Variants in IFT74 observed in about 807,000 individuals in gnomAD.
IFT74 encodes intraflagellar transport protein 74 homolog.
Under a neutral mutation model 96.7 loss-of-function variants are expected in IFT74, and 92 were observed. The observed-to-expected ratio is 0.95, with a 90% confidence interval of 0.80 to 1.13. The LOEUF (loss-of-function observed/expected upper bound fraction) is 1.13, where lower values mean the gene tolerates loss of function less well. Ranked by LOEUF, IFT74 falls within the 50% of genes most tolerant of loss-of-function variation. The probability of loss-of-function intolerance (pLI) is 0.00; values close to 1 mark genes in which losing one functional copy is unlikely to be tolerated. For missense variants in IFT74, 811 were observed against 698.2 expected (o/e 1.16, Z -1.82); for synonymous variants, 223 against 213.2 (o/e 1.05, Z -0.40).
Position 27,063,321 on chromosome 9 carries a change from T to A in IFT74, c.*585T>A, listed in dbSNP as rs1378529508. Among the ~76,000 whole-genome samples the A allele has an allele frequency of 6.6e-6, 1 of 152,182 alleles. No homozygotes were observed. The highest frequency in any genetic ancestry group is 2.4e-5 in the African/African-American group (1 of 41,452). Reference sequence around the variant, plus strand: ...TAATCTTTGCAATTCTTAAAATATTTTTTCACATATATATACCTGGAAGAA... The same window carrying A: ...TAATCTTTGCAATTCTTAAAATATTATTTCACATATATATACCTGGAAGAA... On this transcript the variant is annotated 3_prime_UTR_variant, in exon 20 of 20. Transcript: ENST00000380062.
chr9:27,004,847 G>A lies in IFT74; in HGVS notation c.588-4173G>A, dbSNP rs181230736. ...CATTTTTACCTAGCATATGATCTAC[G>A]TTACTGAAAAAAAAAGAGCTTTACT... On this transcript the variant is annotated intron_variant, in intron 8 of 19. Coordinates refer to ENST00000380062, the MANE Select transcript of IFT74 (RefSeq NM_025103.4). Among the ~76,000 whole-genome samples the A allele has an allele frequency of 2.4e-4, 37 of 151,190 alleles. 1 individual carries two copies. Among genetic ancestry groups the A allele is most frequent in the Non-Finnish European group, 5.2e-4 (35 of 67,796 alleles).
chr9:26,963,909 A>G (rs1406619020), intron 2 of IFT74, among the ~76,000 whole-genome samples: 1 of 152,042 alleles, frequency 6.6e-6, no homozygotes, highest in Admixed American at 6.5e-5. Flanking sequence ...CCCATTTTGT[A>G]GGTTGCGTGT....
In IFT74 at chr9:26,993,790, C is replaced by T. The variant is rs551197620; in HGVS notation, c.587+3595C>T. 6.6e-5 allele frequency: 10 copies of T among 152,268 alleles called. No homozygotes were observed. The South Asian group carries it at 8.3e-4, about 13-fold the overall frequency. 9.4% of individuals were successfully genotyped at this position (152,268 alleles called of 1,614,324 possible). A position where few individuals can be genotyped will look rare whatever the true frequency, so the allele number is the denominator to read the frequency against. On this transcript the variant is annotated intron_variant, in intron 8 of 19. Coordinates refer to ENST00000380062, the MANE Select transcript of IFT74 (RefSeq NM_025103.4). ...CCATCAGCTCATATTTGACCTTGCT[C>T]CATCCATACCTCTAGCCACTGTTCC...
chr9:27,029,573 C>A (rs1279256402), intron 13 of IFT74, among the ~76,000 whole-genome samples: 1 of 151,840 alleles, frequency 6.6e-6, no homozygotes, highest in Non-Finnish European at 1.5e-5. Context: ...CATGGAGAAA[C>A]CACATCTCTA....
intron 4 of IFT74, among the ~76,000 whole-genome samples, chr9:26,980,999 G>GGT (rs1827351945): frequency 6.6e-6 from 1 of 152,118 alleles, no homozygotes; most frequent in Non-Finnish European, 1.5e-5. Context: ...TTCAGTGTCT[G>GGT]GTGGGCACCT....
chr9:26,980,437 AT>A, intron 3 of IFT74, 133 bp from the exon 4 acceptor site: 1 of 708,040 alleles, frequency 1.4e-6, no homozygotes, highest in South Asian at 1.5e-5. Context: ...AGTTTCAGTG[AT>A]TCTTCTTGAT....
chr9:27,025,248 G>A (rs1417520403), intron 12 of IFT74, among the ~76,000 whole-genome samples: 1 of 151,842 alleles, frequency 6.6e-6, no homozygotes, highest in African/African-American at 2.4e-5. Context: ...TTCAAGAGCA[G>A]CCTGGCCAAT....
intron 8 of IFT74, chr9:26,997,974 A>C: frequency 6.2e-7 from 1 of 1,613,938 alleles, no homozygotes; most frequent in Non-Finnish European, 8.5e-7. Flanking sequence ...AAGCCTAAAA[A>C]TGCACCCTGT....
chr9:27,031,251 G>A (rs1000673590), intron 13 of IFT74, among the ~76,000 whole-genome samples: 1 of 152,136 alleles, frequency 6.6e-6, no homozygotes, highest in African/African-American at 2.4e-5. Context: ...TGCCGAGGTG[G>A]GCGGATCACC....
chr9:27,032,211 G>C (rs1384360129), intron 13 of IFT74, among the ~76,000 whole-genome samples: 1 of 152,200 alleles, frequency 6.6e-6, no homozygotes, highest in East Asian at 1.9e-4. Flanking sequence ...TCTCAAGTCT[G>C]CTAGGTCAGT....
chr9:26,996,162 G>C (rs1828144270), intron 8 of IFT74: 1 of 582,270 alleles, frequency 1.7e-6, no homozygotes, highest in Non-Finnish European at 2.7e-6. Flanking sequence ...GCAGAGCCTA[G>C]TTTGGAAGAG....
Position 26,980,623 on chromosome 9 carries a change from T to A in IFT74, c.305+4T>A. On this transcript the variant is annotated splice_donor_region_variant and intron_variant, in intron 4 of 19. Coordinates refer to ENST00000380062, the MANE Select transcript of IFT74 (RefSeq NM_025103.4). ...CTTACTATCTTGGGCTTCTTAGGTA[T>A]GTTAAACATATCTTTTCATCCGTAT... The A allele has an allele frequency of 1.3e-6, 2 of 1,575,618 alleles. No individual in the cohort carries two copies. The highest frequency in any genetic ancestry group is 1.1e-5 in the South Asian group (1 of 89,716).
intron 8 of IFT74, among the ~76,000 whole-genome samples, chr9:27,007,163 A>G (rs1191096889): frequency 6.6e-6 from 1 of 152,130 alleles, no homozygotes; most frequent in Non-Finnish European, 1.5e-5. Context: ...TGACACCATC[A>G]TCAGTGGTTT....
At chr9:27,009,979 T>G (rs543922325) in intron 9 of IFT74, among the ~76,000 whole-genome samples, 1 of 152,186 alleles carries the variant, frequency 6.6e-6, no homozygotes, top group East Asian at 1.9e-4. Context: ...ACATTTTTTT[T>G]TTTTTAATTT....
intron 8 of IFT74, chr9:26,999,674 T>C (rs1828368852): frequency 6.2e-7 from 1 of 1,609,778 alleles, no homozygotes; most frequent in Admixed American, 1.7e-5. Flanking sequence ...AAAAGAGGAT[T>C]GTGATGCCTG....
At chr9:26,971,766 A>C (rs1196195209) in intron 2 of IFT74, among the ~76,000 whole-genome samples, 2 of 152,166 alleles carry the variant, frequency 1.3e-5, no homozygotes, top group African/African-American at 4.8e-5. Flanking sequence ...TTTTTGGACC[A>C]AGTCTTGGCC....
rs190121802 is a variant in IFT74, at chr9:26,981,486, T to C, written c.305+867T>C. Among the ~76,000 whole-genome samples the C allele has an allele frequency of 5.3e-5, 8 of 151,160 alleles. No individual in the cohort carries two copies. In the East Asian group the frequency reaches 1.6e-3, roughly 30 times the overall value. ...CTGGAGTGCAGTGGCATGATCTCGG[T>C]TGACTGCAACCTCTGTCTCCCAGGT... is the stretch of plus-strand genomic sequence containing the variant. On this transcript the variant is annotated intron_variant, in intron 4 of 19. Coordinates refer to ENST00000380062, the MANE Select transcript of IFT74 (RefSeq NM_025103.4).
chr9:27,026,371 T>C (rs1055026994), intron 12 of IFT74, among the ~76,000 whole-genome samples: 1 of 152,014 alleles, frequency 6.6e-6, no homozygotes, highest in Non-Finnish European at 1.5e-5. Flanking sequence ...TAGACAGCAA[T>C]ACAATTAATA....
chr9:26,982,216 A>G (rs560722224), intron 4 of IFT74: 5 of 294,150 alleles, frequency 1.7e-5, no homozygotes, highest in East Asian at 2.2e-4. Context: ...ATAAGTATGT[A>G]TTTGGTCAGT....
Sources: gnomAD v4.1 joint callset for allele counts (sites outside exome capture counted in the v4.1 genomes callset) on GRCh38, gnomAD v4.1.1 for gene constraint, MANE v1.5 for transcripts, NCBI Gene and HGNC (gene_info 2026-07-23, HGNC 2026-07-21) for gene names.